The following CHN1 variants were observed in gnomAD, a reference collection of about 807,000 sequenced individuals.
CHN1 encodes N-chimaerin.
Under a neutral mutation model 59.5 loss-of-function variants are expected in CHN1, and 37 were observed. The observed-to-expected ratio is 0.62, with a 90% confidence interval of 0.48 to 0.82. The LOEUF (loss-of-function observed/expected upper bound fraction) is 0.82. Ranked by LOEUF, CHN1 falls within the 40% of genes least tolerant of loss-of-function variation. The pLI is 0.00. For synonymous variants in CHN1, 206 were observed against 200.4 expected, an observed-to-expected ratio of 1.03 and a Z score of -0.24; for missense variants, 469 against 571.0, an observed-to-expected ratio of 0.82 and a Z score of 1.82.
At chr2:175,004,806 C>G in intron 1 of CHN1, 88 bp downstream of exon 1, 1 of 794,070 alleles carries the variant, frequency 1.3e-6, no homozygotes, top group Non-Finnish European at 1.6e-6. Context: ...CGCGCCCCCT[C>G]CCCGGGCGCC....
chr2:174,865,666 G>C (rs1007433516), intron 6 of CHN1, among the ~76,000 whole-genome samples: 1 of 152,146 alleles, frequency 6.6e-6, no homozygotes, highest in African/African-American at 2.4e-5. Context: ...AGCTAGAACA[G>C]ACTTTCAATG....
chr2:174,964,076 C>T (rs1192832369), intron 1 of CHN1, among the ~76,000 whole-genome samples: 3 of 152,044 alleles, frequency 2.0e-5, no homozygotes, highest in Non-Finnish European at 4.4e-5. Flanking sequence ...AAAAGATATT[C>T]CTGTGTATAT....
chr2:175,001,973 G>A lies in CHN1; in HGVS notation c.19+2921C>T, dbSNP rs138802930. Reference sequence around the variant, plus strand: ...AAGGAAGTTCTCACAAAGCCTATACGGAATTAGTTAATAGTTAAGTGCCAC... The same window carrying A: ...AAGGAAGTTCTCACAAAGCCTATACAGAATTAGTTAATAGTTAAGTGCCAC... On this transcript the variant is annotated intron_variant, in intron 1 of 12. Coordinates refer to ENST00000409900, the MANE Select transcript of CHN1 (RefSeq NM_001822.7). Among the ~76,000 whole-genome samples the A allele has an allele frequency of 3.0e-3, 461 of 152,278 alleles. 2 individuals are homozygous for A. Among genetic ancestry groups the A allele is most frequent in the Non-Finnish European group, 4.3e-3 (295 of 68,018 alleles).
intron 6 of CHN1, among the ~76,000 whole-genome samples, chr2:174,855,006 A>G (rs935804997): frequency 6.6e-6 from 1 of 152,156 alleles, no homozygotes; most frequent in Non-Finnish European, 1.5e-5. Context: ...ATCCCATCAA[A>G]TCCTGCTTAT....
At chr2:174,853,149 A>G (rs1159097934) in intron 6 of CHN1, among the ~76,000 whole-genome samples, 2 of 152,208 alleles carry the variant, frequency 1.3e-5, no homozygotes, top group Non-Finnish European at 2.9e-5. Flanking sequence ...CAATAGAGTA[A>G]GCAGACAATT....
chr2:174,974,141 G>A (rs1272569979), intron 1 of CHN1, among the ~76,000 whole-genome samples: 3 of 152,102 alleles, frequency 2.0e-5, no homozygotes, highest in South Asian at 2.1e-4. Flanking sequence ...CAGTCCAATA[G>A]GTTTACTAAA....
At chr2:174,822,309 T>A (rs1400147983) in intron 8 of CHN1, among the ~76,000 whole-genome samples, 1 of 152,212 alleles carries the variant, frequency 6.6e-6, no homozygotes, top group Non-Finnish European at 1.5e-5. Flanking sequence ...AGGCTATTAA[T>A]GTGGGTGGCT....
At chr2:174,924,641 T>A (rs1289449997) in intron 3 of CHN1, among the ~76,000 whole-genome samples, 1 of 152,244 alleles carries the variant, frequency 6.6e-6, no homozygotes, top group East Asian at 1.9e-4. Flanking sequence ...ACTTCAGTGG[T>A]GATTTGGAAT....
At chr2:174,879,814 G>A (rs987204341) in intron 5 of CHN1, among the ~76,000 whole-genome samples, 1 of 152,136 alleles carries the variant, frequency 6.6e-6, no homozygotes, top group African/African-American at 2.4e-5. Flanking sequence ...TTTACAGTGG[G>A]CATTTCTACA....
chr2:174,958,087 CAGG>C (rs1690270862), intron 1 of CHN1, among the ~76,000 whole-genome samples: 1 of 148,204 alleles, frequency 6.7e-6, no homozygotes, highest in Non-Finnish European at 1.5e-5. Flanking sequence ...TGCTTGAGCC[CAGG>C]AGTTCAAGAT....
At chr2:174,875,017 G>C (rs532304502) in intron 6 of CHN1, among the ~76,000 whole-genome samples, 1 of 151,698 alleles carries the variant, frequency 6.6e-6, no homozygotes, top group Non-Finnish European at 1.5e-5. Flanking sequence ...GGGATTTCAA[G>C]CAAGTGCCAC....
chr2:174,809,911 T>C (rs1286165288), intron 10 of CHN1, among the ~76,000 whole-genome samples: 1 of 152,200 alleles, frequency 6.6e-6, no homozygotes, highest in Non-Finnish European at 1.5e-5. Flanking sequence ...AAGGACAAAA[T>C]GTAGCAGAGG....
At chr2:174,924,384 C>G (rs1049982430) in intron 3 of CHN1, among the ~76,000 whole-genome samples, 4 of 152,118 alleles carry the variant, frequency 2.6e-5, no homozygotes, top group African/African-American at 9.7e-5. Flanking sequence ...TTTGTGTAGT[C>G]TCTTATCTCT....
chr2:174,991,345 A>G (rs867259272), intron 1 of CHN1, among the ~76,000 whole-genome samples: 9 of 152,330 alleles, frequency 5.9e-5, no homozygotes, highest in East Asian at 1.9e-4. Flanking sequence ...TGGTCCCCCC[A>G]GAAGGTTTCT....
At chr2:174,812,903 G>C (rs1263873189) in intron 8 of CHN1, among the ~76,000 whole-genome samples, 2 of 152,126 alleles carry the variant, frequency 1.3e-5, no homozygotes, top group Non-Finnish European at 2.9e-5. Context: ...CCAAAAGTAG[G>C]AATATCCAGG....
chr2:175,004,837 C>A (rs1401112525), intron 1 of CHN1, 57 bp downstream of exon 1: 7 of 1,247,962 alleles, frequency 5.6e-6, no homozygotes, highest in Non-Finnish European at 7.2e-6. Flanking sequence ...AGGCCCCCGC[C>A]CCCGAGCCCC....
chr2:174,936,432 T>C lies in CHN1; in HGVS notation c.114+8456A>G, dbSNP rs188373879. Among the ~76,000 whole-genome samples, 23 of 152,312 alleles carry C rather than the reference T, an allele frequency of 1.5e-4. No individual in the cohort carries two copies. In the East Asian group the frequency reaches 2.9e-3, roughly 19 times the overall value. On this transcript the variant is annotated intron_variant, in intron 3 of 12. Transcript: ENST00000409900. ...CTGAATTAGATAGATTTTATACCTA[T>C]GTAATAAATAGATATAGCTTATACC...
chr2:175,004,411 T>C (rs1691993055), intron 1 of CHN1, among the ~76,000 whole-genome samples: 2 of 152,166 alleles, frequency 1.3e-5, no homozygotes, highest in East Asian at 1.9e-4. Context: ...ATCATACTTA[T>C]TTCCAACGGA....
At position 175,004,898 on chromosome 2, in the gene CHN1, C is replaced by T. The variant is rs1301186079; in HGVS notation, c.15G>A (p.Leu5=). Residue 5 remains leucine (L), a synonymous_variant, in exon 1 of 13, where the codon CTG becomes CTA. Coordinates refer to ENST00000409900, the MANE Select transcript of CHN1 (RefSeq NM_001822.7). MALT[L]FDTDEYRPPV... ...CGGGGAGACGGCTGCACTTACCAAACAGGGTCAGGGCCATTGTAAAGGCGC... is the reference window on the plus strand; with the variant it reads ...CGGGGAGACGGCTGCACTTACCAAATAGGGTCAGGGCCATTGTAAAGGCGC... The T allele has an allele frequency of 1.3e-6, 2 of 1,518,058 alleles. No homozygotes were observed. The highest frequency in any genetic ancestry group is 1.2e-5 in the South Asian group (1 of 81,180). 94.0% of individuals were successfully genotyped at this position (1,518,058 alleles called of 1,614,324 possible).
Sources: gnomAD v4.1 joint callset for allele counts (sites outside exome capture counted in the v4.1 genomes callset) on GRCh38, gnomAD v4.1.1 for gene constraint, MANE v1.5 for transcripts, NCBI Gene and HGNC (gene_info 2026-07-23, HGNC 2026-07-21) for gene names.